ADGRL2: variants seen among roughly 807,000 people sequenced by gnomAD.
ADGRL2 encodes the protein adhesion G protein-coupled receptor L2, also known as calcium-independent alpha-latrotoxin receptor 2.
In ADGRL2, 44 loss-of-function variants were observed where a neutral mutation model predicts 157.4. The ratio of observed to expected loss-of-function variants is 0.28; its 90% CI spans 0.22 to 0.36. The LOEUF (loss-of-function observed/expected upper bound fraction) is 0.36. ADGRL2 is among the 10% of genes least tolerant of loss of function. ADGRL2 has a pLI of 1.00. For missense variants in ADGRL2, 1,510 were observed against 1,768.9 expected, an observed-to-expected ratio of 0.85 and a Z score of 2.63; for synonymous variants, 585 against 624.7, an observed-to-expected ratio of 0.94 and a Z score of 0.95.
At chr1:81,766,075 T>G (rs1050170966) in intron 2 of ADGRL2, among the ~76,000 whole-genome samples, 1 of 152,056 alleles carries the variant, frequency 6.6e-6, no homozygotes, top group African/African-American at 2.4e-5. Flanking sequence ...ATACAACTTT[T>G]TGGTTCATTT....
intron 1 of ADGRL2, among the ~76,000 whole-genome samples, chr1:81,760,287 G>A (rs1463170413): frequency 6.6e-6 from 1 of 152,096 alleles, no homozygotes; most frequent in African/African-American, 2.4e-5. Context: ...AGTGTGCATA[G>A]CTGCTGAGGC....
At chr1:81,322,144 A>C (rs2100631716) in intron 1 of ADGRL2, among the ~76,000 whole-genome samples, 1 of 148,394 alleles carries the variant, frequency 6.7e-6, no homozygotes, top group Non-Finnish European at 1.5e-5. Flanking sequence ...ACGTACATAT[A>C]TATACATATA....
chr1:81,637,287 T>C (rs2082133408), intron 3 of ADGRL2, among the ~76,000 whole-genome samples: 1 of 152,206 alleles, frequency 6.6e-6, no homozygotes, highest in African/African-American at 2.4e-5. Context: ...GAATAGTTAT[T>C]CCTTTAATCT....
intron 3 of ADGRL2, among the ~76,000 whole-genome samples, chr1:81,613,119 GC>G (rs1421718701): frequency 6.6e-6 from 1 of 152,128 alleles, no homozygotes; most frequent in African/African-American, 2.4e-5. Flanking sequence ...CTGCCTCTTA[GC>G]AGCTGTTCAA....
At chr1:81,954,403 A>T (rs185721412) in intron 10 of ADGRL2, among the ~76,000 whole-genome samples, 10 of 152,302 alleles carry the variant, frequency 6.6e-5, no homozygotes, top group Admixed American at 3.3e-4. Context: ...GACCAGTGTC[A>T]TTTTCAGTAT....
chr1:81,369,053 CCTT>C (rs2076116517), intron 1 of ADGRL2, among the ~76,000 whole-genome samples: 1 of 152,056 alleles, frequency 6.6e-6, no homozygotes, highest in East Asian at 1.9e-4. Flanking sequence ...AAGTGGTTGA[CCTT>C]CTGAATATTC....
intron 1 of ADGRL2, among the ~76,000 whole-genome samples, chr1:81,824,003 C>T (rs1243123774): frequency 6.6e-6 from 1 of 151,534 alleles, no homozygotes; most frequent in African/African-American, 2.4e-5. Flanking sequence ...TTTTTAATTA[C>T]CAGGATATTA....
chr1:81,324,437 A>G (rs185426679), intron 1 of ADGRL2, among the ~76,000 whole-genome samples: 11 of 151,722 alleles, frequency 7.3e-5, no homozygotes, highest in Admixed American at 2.0e-4. Flanking sequence ...TGAGCCCGAG[A>G]AGTCGAGGCT....
intron 13 of ADGRL2, among the ~76,000 whole-genome samples, chr1:81,967,325 G>T (rs898682673): frequency 6.6e-6 from 1 of 150,504 alleles, no homozygotes; most frequent in Non-Finnish European, 1.5e-5. Context: ...GCGGTGGCGC[G>T]ATCTCGGCTC....
chr1:81,353,239 T>C (rs1663042688), intron 1 of ADGRL2, among the ~76,000 whole-genome samples: 1 of 152,114 alleles, frequency 6.6e-6, no homozygotes. Flanking sequence ...CCATGAAAGG[T>C]ATGAGAATCG....
At chr1:81,477,467 C>T (rs899080062) in intron 2 of ADGRL2, among the ~76,000 whole-genome samples, 5 of 152,184 alleles carry the variant, frequency 3.3e-5, no homozygotes, top group African/African-American at 9.6e-5. Flanking sequence ...TATCAAATAA[C>T]TTCTTAAGAG....
chr1:81,505,421 T>G (rs1315170737), intron 2 of ADGRL2, among the ~76,000 whole-genome samples: 2 of 150,846 alleles, frequency 1.3e-5, no homozygotes, highest in Non-Finnish European at 2.9e-5. Flanking sequence ...ACCCAGAGGA[T>G]GCAGGGAAAG....
At chr1:81,333,411 AT>A (rs1377812016) in intron 1 of ADGRL2, among the ~76,000 whole-genome samples, 5 of 123,164 alleles carry the variant, frequency 4.1e-5, no homozygotes, top group African/African-American at 1.3e-4. Context: ...TAATTAATTA[AT>A]TTATTTATTT....
intron 1 of ADGRL2, among the ~76,000 whole-genome samples, chr1:81,334,223 G>T (rs1661469891): frequency 6.6e-6 from 1 of 152,048 alleles, no homozygotes; most frequent in Non-Finnish European, 1.5e-5. Flanking sequence ...GCCTACATAG[G>T]TTGCTCATCT....
intron 3 of ADGRL2, among the ~76,000 whole-genome samples, chr1:81,688,815 G>A (rs2083279052): frequency 6.6e-6 from 1 of 152,022 alleles, no homozygotes; most frequent in Non-Finnish European, 1.5e-5. Flanking sequence ...CAGAGGGAAG[G>A]TCTAAGGCTG....
At chr1:81,647,312 A>C (rs6665740) in intron 3 of ADGRL2, among the ~76,000 whole-genome samples, 94,288 of 151,892 alleles carry the variant, frequency 0.62, 30,184 homozygotes, top group Non-Finnish European at 0.7. Context: ...TATTTAAAGA[A>C]GCAGGTTATC....
intron 1 of ADGRL2, among the ~76,000 whole-genome samples, chr1:81,746,837 C>T (rs1307812104): frequency 7.5e-6 from 1 of 132,674 alleles, no homozygotes; most frequent in African/African-American, 3.3e-5. Flanking sequence ...TATATATATA[C>T]ATGTATATAC....
intron 1 of ADGRL2, among the ~76,000 whole-genome samples, chr1:81,327,576 G>A (rs1660987721): frequency 6.6e-6 from 1 of 152,020 alleles, no homozygotes; most frequent in Non-Finnish European, 1.5e-5. Context: ...TTCTTTGTGG[G>A]TGCATTTCTA....
At chr1:81,615,217 T>C (rs376106489) in intron 3 of ADGRL2, among the ~76,000 whole-genome samples, 4 of 152,044 alleles carry the variant, frequency 2.6e-5, no homozygotes, top group South Asian at 2.1e-4. Flanking sequence ...TAAAGGACTG[T>C]AAACACACCA....
Sources: allele counts gnomAD v4.1 joint callset (sites outside exome capture counted in the v4.1 genomes callset), GRCh38; gene constraint gnomAD v4.1.1; transcripts MANE v1.5; gene names NCBI Gene and HGNC (gene_info 2026-07-23, HGNC 2026-07-21).